The following TTN variants were observed in gnomAD, a reference collection of about 807,000 sequenced individuals.
The protein encoded by TTN is connectin.
Under a neutral mutation model 3,223.0 loss-of-function variants are expected in TTN, and 1,525 were observed. The observed-to-expected ratio is 0.47, with a 90% confidence interval of 0.45 to 0.49. The LOEUF (loss-of-function observed/expected upper bound fraction) is 0.49. Ranked by LOEUF, TTN falls within the 20% of genes least tolerant of loss-of-function variation. The pLI, the probability that TTN is intolerant of heterozygous loss-of-function variation, is 0.00. For missense variants in TTN, 40,786 were observed against 43,424.0 expected (o/e 0.94, Z 5.40); for synonymous variants, 14,094 against 15,161.0 (o/e 0.93, Z 5.17).
chr2:178,749,748 TATA>T, intron 47 of TTN: 1 of 1,612,992 alleles, frequency 6.2e-7, no homozygotes. Flanking sequence ...ACATCCTTAA[TATA>T]TAATTGGTGG....
rs1706279321 is a variant in TTN, at chr2:178,567,333, T to G, written c.78799A>C (p.Arg26267=). ...IRIDGGQYIL[R]ASNVAGSKSF... ...TTAGAACCTGCAACATTGGAAGCTC[T>G]TAAAATATACTGCCCACCATCAATT... Residue 26267 remains arginine, a synonymous_variant, in exon 326 of 363, where the codon AGA becomes CGA. Transcript: ENST00000589042. 1 of 1,603,886 alleles carries G rather than the reference T, an allele frequency of 6.2e-7. No individual in the cohort carries two copies.
In TTN at chr2:178,532,955, C is replaced by G. The variant is rs373282223; in HGVS notation, c.103660G>C (p.Glu34554Gln). ...EPRKYKQTTI[E>Q]EDQRIKQFVP... ...AACTGCTTGATGCGTTGGTCTTCTT[C>G]TATGGTAGTCTGCTTATACTTGCGT... The change falls in exon 358 of 363, where the codon GAA becomes CAA. Residue 34554 changes from glutamate to glutamine, a missense_variant. By Grantham distance (29) the Glu-to-Gln change is conservative. Transcript: ENST00000589042. 2 of 1,613,764 alleles carry G rather than the reference C, an allele frequency of 1.2e-6. No homozygotes were observed. Among genetic ancestry groups the G allele is most frequent in the African/African-American group, 1.3e-5 (1 of 74,900 alleles).
chr2:178,732,138 T>G lies in TTN; in HGVS notation c.16831A>C (p.Ser5611Arg). The change falls in exon 57 of 363, where the codon AGT becomes CGT. Residue 5611 changes from serine (S) to arginine (R), a missense_variant. Transcript: ENST00000589042. ...TGGGCCTCACACATATATTCACCAC[T>G]GTCTTCGATGCCAACATCTGTCAGT... is the stretch of plus-strand genomic sequence containing the variant. ...LRLTDVGIED[S>R]GEYMCEAQNE... 2 of 1,613,834 alleles carry G rather than the reference T, an allele frequency of 1.2e-6. No individual in the cohort carries two copies. The highest frequency in any genetic ancestry group is 2.2e-5 in the South Asian group (2 of 91,068).
At chr2:178,665,822 A>G (rs1275778430) in intron 163 of TTN, 31 bp from the exon 164 acceptor site, 1 of 1,142,474 alleles carries the variant, frequency 8.8e-7, no homozygotes, top group Admixed American at 3.9e-5. Flanking sequence ...TGTACTTTGG[A>G]GTTATGAAGA....
At position 178,777,448 on chromosome 2, in the gene TTN, A is replaced by C. The variant is rs2092352736; in HGVS notation, c.4617T>G (p.Ser1539=). 6.2e-7 allele frequency: 1 copy of C among 1,613,752 alleles called. No homozygotes were observed. Among genetic ancestry groups the C allele is most frequent in the Admixed American group, 1.7e-5 (1 of 59,976 alleles). ...CCACAGTTAAAATCACTGAAATTGA[A>C]GATCTGCCTGCCCTGTTTTGGGCAA... is the stretch of plus-strand genomic sequence containing the variant. ...TVVAQNRAGR[S]SISVILTVEA... The change falls in exon 26 of 363, where the codon TCT becomes TCG. Residue 1539 remains serine, a synonymous_variant. Coordinates refer to ENST00000589042, the MANE Select transcript of TTN (RefSeq NM_001267550.2).
chr2:178,698,919 A>T lies in TTN; in HGVS notation c.30683-5T>A. ...TCTTCACAGCCTTTTTGGTAACTAA[A>T]AAAAAAAAAAAAGAAAAAAAAAGAA... On this transcript the variant is annotated splice_polypyrimidine_tract_variant and splice_region_variant and intron_variant, in intron 111 of 362. Transcript: ENST00000589042. 1 of 1,279,044 alleles carries T rather than the reference A, an allele frequency of 7.8e-7. No individual in the cohort carries two copies. Among genetic ancestry groups the T allele is most frequent in the South Asian group, 1.6e-5 (1 of 62,458 alleles). 79.2% of individuals were successfully genotyped at this position (1,279,044 alleles called of 1,614,324 possible).
intron 223 of TTN, among the ~76,000 whole-genome samples, chr2:178,638,029 A>AT (rs2060718350): frequency 1.3e-5 from 2 of 152,032 alleles, no homozygotes; most frequent in South Asian, 4.1e-4. Flanking sequence ...AAACTGTGGA[A>AT]TGAGTTCTCT....
chr2:178,745,944 T>G, intron 47 of TTN: 4 of 1,609,640 alleles, frequency 2.5e-6, no homozygotes, highest in Non-Finnish European at 2.5e-6. Flanking sequence ...CTGCTTAAAG[T>G]CACTTTGCTT....
Position 178,553,479 on chromosome 2 carries a change from TAATC to T in TTN, c.89503+19_89503+22del. 3 of 1,583,460 alleles carry T rather than the reference TAATC, an allele frequency of 1.9e-6. No homozygotes were observed. The highest frequency in any genetic ancestry group is 2.6e-6 in the Non-Finnish European group (3 of 1,165,360). On this transcript the variant is annotated intron_variant, in intron 334 of 362. Coordinates refer to ENST00000589042, the MANE Select transcript of TTN (RefSeq NM_001267550.2). ...CTGGAAGTATGCTTATTAAAAAACA[TAATC>T]AAACCAGTAGGTACATACCAAGTAT...
At chr2:178,633,751 T>A in intron 231 of TTN, 66 bp downstream of exon 231, 1 of 1,604,682 alleles carries the variant, frequency 6.2e-7, no homozygotes. Flanking sequence ...GGTTGCAAAA[T>A]ATTTTATTAC....
chr2:178,778,098 G>T (rs117184517), intron 24 of TTN, 123 bp from the exon 25 acceptor site: 5 of 1,272,102 alleles, frequency 3.9e-6, no homozygotes, highest in Admixed American at 4.0e-5. Flanking sequence ...GTATTAGAAG[G>T]CACCTCAAAC....
intron 47 of TTN, chr2:178,750,673 T>G: frequency 6.2e-7 from 1 of 1,612,666 alleles, no homozygotes; most frequent in Non-Finnish European, 8.5e-7. Context: ...AAGCAGAGAG[T>G]TGTAATTCTC....
At position 178,585,129 on chromosome 2, in the gene TTN, G is replaced by A. The variant is rs1060500431; in HGVS notation, c.64615C>T (p.Leu21539Phe). The A allele has an allele frequency of 1.2e-6, 2 of 1,613,040 alleles. No homozygotes were observed. The highest frequency in any genetic ancestry group is 1.7e-6 in the Non-Finnish European group (2 of 1,179,380). Residue 21539 changes from leucine to phenylalanine, a missense_variant, in exon 309 of 363, where the codon CTC becomes TTC. Coordinates refer to ENST00000589042, the MANE Select transcript of TTN (RefSeq NM_001267550.2). ...GTCCCAGAACTGTTCTCTGCTGTGAGGCTGTAGTAACCACTGTCTTTCCTA... is the reference window on the plus strand; with the variant it reads ...GTCCCAGAACTGTTCTCTGCTGTGAAGCTGTAGTAACCACTGTCTTTCCTA... The part of the protein sequence containing the change: ...VTRKDSGYYS[L>F]TAENSSGTDT...
At chr2:178,793,340 G>GGTGAT in intron 9 of TTN, 64 bp downstream of exon 9, 1 of 1,587,390 alleles carries the variant, frequency 6.3e-7, no homozygotes, top group South Asian at 1.2e-5. Flanking sequence ...TCATGGTAAA[G>GGTGAT]GTGATTATCT....
rs2052140802 is a variant in TTN at position 178,597,837 on chromosome 2, T to C, written c.57263-18A>G. 6.2e-7 allele frequency: 1 copy of C among 1,612,472 alleles called. No individual in the cohort carries two copies. The highest frequency in any genetic ancestry group is 8.5e-7 in the Non-Finnish European group (1 of 1,179,386). On this transcript the variant is annotated intron_variant, in intron 293 of 362. Transcript: ENST00000589042. Reference sequence around the variant, plus strand: ...AGGTGAAACTGGAAGCAATTGAAAATTACAAATGTGATTTTTCCCCTTCAA... The same window carrying C: ...AGGTGAAACTGGAAGCAATTGAAAACTACAAATGTGATTTTTCCCCTTCAA...
chr2:178,707,687 C>T lies in TTN; in HGVS notation c.28880G>A (p.Gly9627Asp), dbSNP rs878908638. 2.5e-6 allele frequency: 4 copies of T among 1,613,926 alleles called. No homozygotes were observed. Among genetic ancestry groups the T allele is most frequent in the Non-Finnish European group, 3.4e-6 (4 of 1,179,854 alleles). Residue 9627 changes from glycine to aspartate, a missense_variant, in exon 100 of 363, where the codon GGC (glycine) becomes GAC (aspartate). Gly to Asp is a moderately conservative substitution (Grantham distance 94). Transcript: ENST00000589042. ...TCTGTCTGAAGGCTTTATTTCCCTG[C>T]CAGCCTTCAACCACTGGATCCTAAT... The part of the protein sequence containing the change: ...EPIRIQWLKA[G>D]REIKPSDRCS...
chr2:178,630,780 T>A (rs760817751), intron 238 of TTN, 24 bp downstream of exon 238: 17 of 1,600,960 alleles, frequency 1.1e-5, no homozygotes, highest in Non-Finnish European at 8.5e-7. Flanking sequence ...CTTTAGGTGT[T>A]GACAAGTTCA....
At chr2:178,707,852 CAAAAAAGT>C in intron 99 of TTN, 39 bp from the exon 100 acceptor site, 3 of 1,523,682 alleles carry the variant, frequency 2.0e-6, no homozygotes, top group Non-Finnish European at 2.6e-6. Flanking sequence ...AACATAAAGG[CAAAAAAGT>C]ATTAAATTCC....
rs764388462 is a variant in TTN at position 178,617,835 on chromosome 2, A to T, written c.47516T>A (p.Ile15839Asn). The stretch of plus-strand genomic sequence containing the variant: ...GGCTGCACTTGGTTTTCCAACTCCA[A>T]TTCGATTTTGGGCTCTCACTCGGAA... ...YSFRVRAQNR[I>N]GVGKPSAATP... Residue 15839 changes from isoleucine to asparagine, a missense_variant, in exon 253 of 363, where the codon ATT (isoleucine) becomes AAT (asparagine). By Grantham distance (149) the Ile-to-Asn change is moderately radical. Coordinates refer to ENST00000589042, the MANE Select transcript of TTN (RefSeq NM_001267550.2). 1 of 1,612,470 alleles carries T rather than the reference A, an allele frequency of 6.2e-7. No homozygotes were observed. The highest frequency in any genetic ancestry group is 2.2e-5 in the East Asian group (1 of 44,722).
Sources: allele counts gnomAD v4.1 joint callset (sites outside exome capture counted in the v4.1 genomes callset), GRCh38; gene constraint gnomAD v4.1.1; transcripts MANE v1.5; gene names NCBI Gene and HGNC (gene_info 2026-07-23, HGNC 2026-07-21).